Variants in XPR1 observed in about 807,000 individuals in gnomAD.
XPR1 encodes the protein solute carrier family 53 member 1.
XPR1 carries 28 observed loss-of-function variants against 87.5 expected under a neutral mutation model. That is an observed-to-expected ratio of 0.32 (90% CI 0.24 to 0.44). The LOEUF (loss-of-function observed/expected upper bound fraction) is 0.44, where lower values mean the gene tolerates loss of function less well. Ranked by LOEUF, XPR1 falls within the 20% of genes least tolerant of loss-of-function variation. The probability of loss-of-function intolerance (pLI) is 1.00; values close to 1 mark genes in which losing one functional copy is unlikely to be tolerated. For missense variants in XPR1, 559 were observed against 862.3 expected (o/e 0.65, Z 4.41); for synonymous variants, 300 against 306.1 (o/e 0.98, Z 0.21).
chr1:180,704,140 TTC>T (rs1230826745), intron 2 of XPR1, among the ~76,000 whole-genome samples: 2 of 150,772 alleles, frequency 1.3e-5, no homozygotes, highest in Non-Finnish European at 3.0e-5. Context: ...ATAGTTTCTG[TTC>T]TCTTTATTTA....
rs35751561 is a variant in XPR1, at chr1:180,704,245, G to GATATATATATATATATAT, written c.121+21849_121+21866dup. On this transcript the variant is annotated intron_variant, in intron 2 of 14. Transcript: ENST00000367590. Reference sequence around the variant, plus strand: ...TTTCTCAAGAACACTATAGGTGCTGGATATATATATATATATATATATATA... The same window carrying GATATATATATATATATAT: ...TTTCTCAAGAACACTATAGGTGCTGGATATATATATATATATATATATATATATATATATATATATATA... Among the ~76,000 whole-genome samples the GATATATATATATATATAT allele has an allele frequency of 8.8e-3, 581 of 65,922 alleles. 37 individuals are homozygous for GATATATATATATATATAT. The highest frequency in any genetic ancestry group is 0.011 in the Non-Finnish European group (380 of 33,262). 43.2% of individuals were successfully genotyped at this position (65,922 alleles called of 152,430 possible). A position where few individuals can be genotyped will look rare whatever the true frequency, so the allele number is the denominator to read the frequency against.
At chr1:180,790,146 T>C (rs928178472) in intron 3 of XPR1, among the ~76,000 whole-genome samples, 3 of 152,080 alleles carry the variant, frequency 2.0e-5, no homozygotes, top group Admixed American at 6.6e-5. Context: ...CTCTCCCAAA[T>C]GCCTATAGAC....
chr1:180,843,697 TA>T (rs557074080), intron 11 of XPR1, among the ~76,000 whole-genome samples: 2,629 of 141,436 alleles, frequency 0.019, 26 homozygotes, highest in Non-Finnish European at 0.026. Context: ...GAAAAGTCTT[TA>T]AAAAAAAAAA....
intron 2 of XPR1, among the ~76,000 whole-genome samples, chr1:180,714,278 G>C (rs76199915): frequency 0.22 from 32,259 of 149,968 alleles, 3,660 homozygotes; most frequent in Middle Eastern, 0.29. Flanking sequence ...ATCATTATCA[G>C]TCTGGTTAGA....
At chr1:180,688,290 T>C (rs1656859420) in intron 2 of XPR1, among the ~76,000 whole-genome samples, 1 of 151,192 alleles carries the variant, frequency 6.6e-6, no homozygotes, top group Non-Finnish European at 1.5e-5. Context: ...AGTTTTGCCA[T>C]GTTGGCCAGG....
At chr1:180,741,911 A>G (rs1408192925) in intron 2 of XPR1, among the ~76,000 whole-genome samples, 3 of 152,174 alleles carry the variant, frequency 2.0e-5, no homozygotes, top group Admixed American at 2.0e-4. Flanking sequence ...TGTTTTATCT[A>G]AGCTGTCAAA....
At position 180,632,421 on chromosome 1, in the gene XPR1, C is replaced by T. The variant is rs568234319; in HGVS notation, c.69+151C>T. 7.9e-5 allele frequency: 80 copies of T among 1,015,092 alleles called. 2 individuals carry two copies. The East Asian group carries it at 1.4e-3, about 17-fold the overall frequency. 62.9% of individuals were successfully genotyped at this position (1,015,092 alleles called of 1,614,324 possible). On this transcript the variant is annotated intron_variant, in intron 1 of 14. Coordinates refer to ENST00000367590, the MANE Select transcript of XPR1 (RefSeq NM_004736.4). Reference sequence around the variant, plus strand: ...GGGAGCCACTGCGGCATCCCCGCCGCGGCCGGCCGCCTCCCGGCTCCGCTG... The same window carrying T: ...GGGAGCCACTGCGGCATCCCCGCCGTGGCCGGCCGCCTCCCGGCTCCGCTG...
intron 2 of XPR1, among the ~76,000 whole-genome samples, chr1:180,705,587 A>C (rs1236335965): frequency 6.6e-6 from 1 of 152,196 alleles, no homozygotes; most frequent in Non-Finnish European, 1.5e-5. Flanking sequence ...GAGATAGTTA[A>C]TTTTAAAGGA....
intron 14 of XPR1, among the ~76,000 whole-genome samples, chr1:180,882,159 A>G (rs779289587): frequency 6.6e-6 from 1 of 152,160 alleles, no homozygotes; most frequent in Non-Finnish European, 1.5e-5. Flanking sequence ...CTCTTTGGCA[A>G]TAGATTATTC....
chr1:180,642,514 C>A (rs1294282145), intron 1 of XPR1, among the ~76,000 whole-genome samples: 1 of 151,904 alleles, frequency 6.6e-6, no homozygotes, highest in Non-Finnish European at 1.5e-5. Flanking sequence ...ACATTTAATC[C>A]TTACCTTCTA....
intron 1 of XPR1, among the ~76,000 whole-genome samples, chr1:180,665,451 A>C (rs1557946722): frequency 6.6e-6 from 1 of 152,168 alleles, no homozygotes; most frequent in Non-Finnish European, 1.5e-5. Context: ...GGCCTTGGGG[A>C]TTGGGAACCA....
At chr1:180,728,746 C>T (rs539352928) in intron 2 of XPR1, among the ~76,000 whole-genome samples, 2 of 152,264 alleles carry the variant, frequency 1.3e-5, no homozygotes, top group East Asian at 3.9e-4. Context: ...AACCTGGATT[C>T]GAATACAAAT....
intron 2 of XPR1, among the ~76,000 whole-genome samples, chr1:180,697,285 A>G (rs1657203092): frequency 6.6e-6 from 1 of 152,022 alleles, no homozygotes; most frequent in South Asian, 2.1e-4. Flanking sequence ...AGTGTCTAAT[A>G]AGTTTGTATT....
intron 1 of XPR1, among the ~76,000 whole-genome samples, chr1:180,656,317 T>C (rs1001718127): frequency 1.6e-5 from 2 of 122,084 alleles, no homozygotes; most frequent in South Asian, 4.5e-4. Flanking sequence ...CCATTATATA[T>C]ATAATATTTA....
intron 2 of XPR1, among the ~76,000 whole-genome samples, chr1:180,718,816 C>A (rs1449161956): frequency 6.6e-6 from 1 of 151,924 alleles, no homozygotes; most frequent in Non-Finnish European, 1.5e-5. Flanking sequence ...TTACAGGTGC[C>A]CACCACCACA....
Position 180,650,251 on chromosome 1 carries a change from C to T in XPR1, c.69+17981C>T, listed in dbSNP as rs539950082. ...GTCCCCCCAACTTTTTTTTTTCTTTCTTAGAGATGGGTTTTGCTTTGTTGC... is the reference window on the plus strand; with the variant it reads ...GTCCCCCCAACTTTTTTTTTTCTTTTTTAGAGATGGGTTTTGCTTTGTTGC... On this transcript the variant is annotated intron_variant, in intron 1 of 14. Coordinates refer to ENST00000367590, the MANE Select transcript of XPR1 (RefSeq NM_004736.4). Among the ~76,000 whole-genome samples, 594 of 150,060 alleles carry T rather than the reference C, an allele frequency of 4.0e-3. 5 individuals are homozygous for T. Among genetic ancestry groups the T allele is most frequent in the Non-Finnish European group, 4.8e-3 (325 of 67,486 alleles).
At chr1:180,835,789 T>C (rs1651264722) in intron 10 of XPR1, among the ~76,000 whole-genome samples, 1 of 152,228 alleles carries the variant, frequency 6.6e-6, no homozygotes, top group Admixed American at 6.5e-5. Flanking sequence ...GAGAATGTGC[T>C]CTTGGGTGTC....
chr1:180,647,453 T>C (rs1237425500), intron 1 of XPR1, among the ~76,000 whole-genome samples: 1 of 152,200 alleles, frequency 6.6e-6, no homozygotes, highest in Non-Finnish European at 1.5e-5. Flanking sequence ...GGTCTGTTGT[T>C]GACCAAAACG....
At chr1:180,702,315 TTTCTG>T (rs1657369272) in intron 2 of XPR1, among the ~76,000 whole-genome samples, 1 of 134,376 alleles carries the variant, frequency 7.4e-6, no homozygotes, top group African/African-American at 2.9e-5. Flanking sequence ...TTTGTTATAA[TTTCTG>T]TTCTTTTACA....
Sources: gnomAD v4.1 joint callset for allele counts (sites outside exome capture counted in the v4.1 genomes callset) on GRCh38, gnomAD v4.1.1 for gene constraint, MANE v1.5 for transcripts, NCBI Gene and HGNC (gene_info 2026-07-23, HGNC 2026-07-21) for gene names.